ANK2: variants seen among roughly 807,000 people sequenced by gnomAD.
ANK2 encodes ankyrin-2.
Under a neutral mutation model 360.5 loss-of-function variants are expected in ANK2, and 83 were observed. The observed-to-expected ratio is 0.23, with a 90% CI of 0.19 to 0.28. ANK2 has a LOEUF of 0.28. Ranked by LOEUF, ANK2 falls within the 10% of genes least tolerant of loss-of-function variation. The pLI is 1.00. For synonymous variants in ANK2, 1,740 were observed against 1,759.5 expected (o/e 0.99, Z 0.28); for missense variants, 4,201 against 4,795.7 (o/e 0.88, Z 3.66).
In ANK2 at chr4:113,358,720, G is replaced by T. The variant is rs767395287; in HGVS notation, c.10102G>T (p.Val3368Phe). ...EQQLSDLDTS[V>F]QKTVAPQGQD... ...GCAGCTCTCAGATCTAGACACCTCT[G>T]TCCAGAAGACAGTGGCTCCTCAGGG... Residue 3368 changes from valine (V) to phenylalanine (F), a missense_variant, in exon 38 of 46, where the codon GTC becomes TTC. Val to Phe is a conservative substitution (Grantham distance 50). Transcript: ENST00000357077. 1.2e-6 allele frequency: 2 copies of T among 1,614,068 alleles called. No individual in the cohort carries two copies. The highest frequency in any genetic ancestry group is 3.3e-5 in the Admixed American group (2 of 60,016).
intron 1 of ANK2, chr4:113,145,886 C>T (rs762285627): frequency 1.6e-6 from 2 of 1,289,834 alleles, no homozygotes; most frequent in South Asian, 2.5e-5. Flanking sequence ...ATGCAGCCCT[C>T]TGCTCTTCTT....
chr4:112,910,503 G>A (rs948203225), intron 2 of ANK2, among the ~76,000 whole-genome samples: 2 of 152,304 alleles, frequency 1.3e-5, no homozygotes, highest in South Asian at 4.1e-4. Flanking sequence ...GTGTTTCATT[G>A]CACATCTAAA....
Position 113,381,837 on chromosome 4 carries a change from CCTT to C in ANK2, c.*368_*370del. 1 of 460,828 alleles carries C rather than the reference CCTT, an allele frequency of 2.2e-6. No individual in the cohort carries two copies. Among genetic ancestry groups the C allele is most frequent in the Non-Finnish European group, 3.9e-6 (1 of 255,836 alleles). The allele number at this position is 460,828 out of a possible 1,614,324, so 28.5% of individuals were successfully genotyped here. The stretch of plus-strand genomic sequence containing the variant: ...GCTAATTTGTGACCAAAGATGGCAT[CCTT>C]CATACTGGATGCTGTATCCAATACT... On this transcript the variant is annotated 3_prime_UTR_variant, in exon 46 of 46. Transcript: ENST00000357077.
chr4:112,975,527 T>A (rs1158674222), intron 2 of ANK2, among the ~76,000 whole-genome samples: 1 of 152,224 alleles, frequency 6.6e-6, no homozygotes, highest in Admixed American at 6.5e-5. Flanking sequence ...AAAAATGGGT[T>A]TAATTAAACT....
chr4:113,276,729 G>A (rs1039019845), intron 15 of ANK2, among the ~76,000 whole-genome samples: 4 of 152,128 alleles, frequency 2.6e-5, no homozygotes, highest in Admixed American at 6.5e-5. Context: ...CAAAAAAGAA[G>A]CAAAAAGAAA....
rs767516468 is a variant in ANK2 at position 113,355,430 on chromosome 4, C to T, written c.6812C>T (p.Thr2271Ile). The change falls in exon 38 of 46, where the codon ACA becomes ATA. Residue 2271 changes from threonine (T) to isoleucine (I), a missense_variant. By Grantham distance (89) the Thr-to-Ile change is moderately conservative (BLOSUM62 -1). Transcript: ENST00000357077. Reference protein sequence around the residue: ...TKESTKTETTTEIRSEKEHPT... With the variant: ...TKESTKTETTIEIRSEKEHPT... ...GAAAGCACCAAGACAGAAACCACCA[C>T]AGAAATTCGTTCAGAAAAAGAGCAT... The T allele has an allele frequency of 6.8e-6, 11 of 1,613,820 alleles. No individual in the cohort carries two copies. The highest frequency in any genetic ancestry group is 1.1e-5 in the South Asian group (1 of 91,088).
chr4:113,192,144 A>G (rs1216772317), intron 2 of ANK2, among the ~76,000 whole-genome samples: 2 of 152,188 alleles, frequency 1.3e-5, no homozygotes, highest in Non-Finnish European at 2.9e-5. Context: ...TACGTGTGCT[A>G]TGGTGGTTTG....
chr4:112,839,585 G>T (rs999664373), intron 1 of ANK2, among the ~76,000 whole-genome samples: 4 of 152,218 alleles, frequency 2.6e-5, no homozygotes, highest in Non-Finnish European at 5.9e-5. Context: ...ATGCCATTCT[G>T]TGTATTAATT....
chr4:113,339,428 T>C, intron 32 of ANK2, 106 bp downstream of exon 32: 1 of 928,160 alleles, frequency 1.1e-6, no homozygotes, highest in Non-Finnish European at 1.7e-6. Flanking sequence ...ATTTTTTCAT[T>C]GGATTTTAAA....
the ANK2 span, among the ~76,000 whole-genome samples, chr4:112,761,139 A>AT: frequency 2.0e-5 from 3 of 152,138 alleles, no homozygotes; most frequent in Non-Finnish European, 2.9e-5. Flanking sequence ...AAACACGTGC[A>AT]TTTTTATAGT....
At chr4:113,172,937 TCA>T (rs1204038813) in intron 1 of ANK2, among the ~76,000 whole-genome samples, 1 of 152,014 alleles carries the variant, frequency 6.6e-6, no homozygotes, top group Non-Finnish European at 1.5e-5. Flanking sequence ...TAAAAACGAG[TCA>T]CAGTTCAGTC....
chr4:113,277,971 T>G (rs762241933), intron 16 of ANK2, 36 bp downstream of exon 16: 1 of 1,557,292 alleles, frequency 6.4e-7, no homozygotes. Flanking sequence ...TATGTAACAG[T>G]GAAGGTGATA....
chr4:113,171,556 G>A (rs2097952032), intron 1 of ANK2, among the ~76,000 whole-genome samples: 1 of 152,044 alleles, frequency 6.6e-6, no homozygotes, highest in South Asian at 2.1e-4. Context: ...CCCTTAAAGG[G>A]GTTCTAGAAG....
chr4:113,258,694 A>C (rs1396999885), intron 13 of ANK2, among the ~76,000 whole-genome samples: 3 of 152,214 alleles, frequency 2.0e-5, no homozygotes, highest in Non-Finnish European at 4.4e-5. Context: ...GCATTTATTA[A>C]AACAAAATAC....
At chr4:113,231,689 C>T (rs1223665591) in intron 4 of ANK2, among the ~76,000 whole-genome samples, 2 of 151,766 alleles carry the variant, frequency 1.3e-5, no homozygotes, top group Non-Finnish European at 2.9e-5. Context: ...CTGCAACCTC[C>T]GCTTCCCAAG....
In ANK2 at chr4:113,336,735, T is replaced by C; in HGVS notation, c.3750T>C (p.Gly1250=). The C allele has an allele frequency of 6.2e-7, 1 of 1,614,018 alleles. No individual in the cohort carries two copies. Among genetic ancestry groups the C allele is most frequent in the African/African-American group, 1.3e-5 (1 of 75,000 alleles). ...CTTCAAGTGATGTCATGTTGAATGG[T>C]TTTGGGGGAGATGCACCAACCTTAA... ...PKASSDVMLN[G]FGGDAPTLRL... is the part of the protein sequence containing the mutation. Residue 1250 remains glycine (G), a synonymous_variant, in exon 31 of 46, where the codon GGT becomes GGC. Coordinates refer to ENST00000357077, the MANE Select transcript of ANK2 (RefSeq NM_001148.6).
upstream of ANK2, among the ~76,000 whole-genome samples, chr4:113,047,862 T>TA (rs1373057397): frequency 6.6e-6 from 1 of 151,854 alleles, no homozygotes; most frequent in Middle Eastern, 3.2e-3. Flanking sequence ...CTTAGGGTGG[T>TA]AAGGCAGAGA....
intron 2 of ANK2, among the ~76,000 whole-genome samples, chr4:112,954,229 C>CCCTTCCTTCCTTCCTTCCTT (rs1162519296): frequency 9.2e-5 from 13 of 141,480 alleles, no homozygotes; most frequent in African/African-American, 3.6e-4. Context: ...CTCCCTCCCT[C>CCCTTCCTTCCTTCCTTCCTT]CCTTCCTTCC....
chr4:112,712,500 C>A, the ANK2 span, among the ~76,000 whole-genome samples: 6 of 149,810 alleles, frequency 4.0e-5, no homozygotes, highest in Admixed American at 2.0e-4. Context: ...CTCCGCCTCC[C>A]GGGTTCACGC....
Sources: allele counts gnomAD v4.1 joint callset (sites outside exome capture counted in the v4.1 genomes callset), GRCh38; gene constraint gnomAD v4.1.1; transcripts MANE v1.5; gene names NCBI Gene and HGNC (gene_info 2026-07-23, HGNC 2026-07-21).